SDHAF4: variants seen among roughly 807,000 people sequenced by gnomAD.
SDHAF4 encodes the protein succinate dehydrogenase complex assembly factor 4, also known as succinate dehydrogenase assembly factor 4, mitochondrial.
In SDHAF4, 14 loss-of-function variants were observed where a neutral mutation model predicts 14.3. That is an observed-to-expected ratio of 0.98 (90% CI 0.65 to 1.53). The LOEUF is 1.53. SDHAF4 is among the 40% of genes most tolerant of loss of function. The pLI is 0.00. For synonymous variants in SDHAF4, 63 were observed against 47.3 expected, an observed-to-expected ratio of 1.33 and a Z score of -1.36; for missense variants, 141 against 129.3, an observed-to-expected ratio of 1.09 and a Z score of -0.44.
chr6:70,586,469 T>C (rs1296570025), intron 2 of SDHAF4, among the ~76,000 whole-genome samples: 1 of 142,308 alleles, frequency 7.0e-6, no homozygotes, highest in Non-Finnish European at 1.5e-5. Context: ...TTCAGTACTC[T>C]GTGAGCCCTG....
At chr6:70,570,249 A>G (rs1299178595) in intron 1 of SDHAF4, among the ~76,000 whole-genome samples, 1 of 152,224 alleles carries the variant, frequency 6.6e-6, no homozygotes, top group Non-Finnish European at 1.5e-5. Flanking sequence ...TAAATAATTT[A>G]CTTTGCAGAT....
At chr6:70,595,704 C>T in the SDHAF4 span, among the ~76,000 whole-genome samples, 23 of 151,964 alleles carry the variant, frequency 1.5e-4, no homozygotes, top group East Asian at 3.7e-3. Flanking sequence ...GGCGCGGTGG[C>T]GCACGCCCGT....
chr6:70,592,833 C>G (rs1298511330), downstream of SDHAF4, among the ~76,000 whole-genome samples: 1 of 152,150 alleles, frequency 6.6e-6, no homozygotes, highest in Non-Finnish European at 1.5e-5. Context: ...GGAAACCAAG[C>G]GTATGACCAA....
intron 1 of SDHAF4, among the ~76,000 whole-genome samples, chr6:70,567,894 C>T (rs1017307285): frequency 4.6e-5 from 7 of 152,116 alleles, no homozygotes; most frequent in African/African-American, 1.7e-4. Flanking sequence ...ACCGTGTTAG[C>T]CAGGATGGTC....
the SDHAF4 span, chr6:70,596,605 TA>T: frequency 6.6e-5 from 10 of 152,376 alleles, no homozygotes; most frequent in South Asian, 2.1e-4. Flanking sequence ...CAATGCTTGT[TA>T]TTTTTTTAGT....
At chr6:70,583,114 T>C (rs78020575) in intron 2 of SDHAF4, among the ~76,000 whole-genome samples, 2,763 of 152,032 alleles carry the variant, frequency 0.018, 81 homozygotes, top group African/African-American at 0.061. Flanking sequence ...TAAGGAAAAA[T>C]AATTTTTTGT....
In SDHAF4 at chr6:70,574,713, T is replaced by A. The variant is rs1389834254; in HGVS notation, c.65-4701T>A. Among the ~76,000 whole-genome samples the A allele has an allele frequency of 7.2e-5, 11 of 152,160 alleles. 1 individual carries two copies. The East Asian group carries it at 2.1e-3, about 29-fold the overall frequency. On this transcript the variant is annotated intron_variant, in intron 1 of 2. Transcript: ENST00000370474. The stretch of plus-strand genomic sequence containing the variant: ...CACTTTGGGAGGCAAGAGGATCACT[T>A]GAGTTCAGGAGTTTAAGACCAGCCT...
downstream of SDHAF4, among the ~76,000 whole-genome samples, chr6:70,594,025 G>T (rs1017990083): frequency 6.6e-6 from 1 of 152,098 alleles, no homozygotes; most frequent in African/African-American, 2.4e-5. Context: ...TTCCCTGCTG[G>T]GTTTCTGACT....
In SDHAF4 at chr6:70,572,058, C is replaced by CTTTTTTTTTT. The variant is rs66688860; in HGVS notation, c.64+5073_64+5082dup. 4.4e-3 allele frequency among the ~76,000 whole-genome samples: 235 copies of CTTTTTTTTTT among 53,534 alleles called. 4 individuals carry two copies. Among genetic ancestry groups the CTTTTTTTTTT allele is most frequent in the Non-Finnish European group, 6.0e-3 (188 of 31,126 alleles). 35.1% of individuals were successfully genotyped at this position (53,534 alleles called of 152,430 possible). Reference sequence around the variant, plus strand: ...TACAACACTTTCAGTCTTTTTTTGTCTTTTTTTTTTTTTTTTTTTTTTTTT... The same window carrying CTTTTTTTTTT: ...TACAACACTTTCAGTCTTTTTTTGTCTTTTTTTTTTTTTTTTTTTTTTTTTTTTTTTTTTT... On this transcript the variant is annotated intron_variant, in intron 1 of 2. Coordinates refer to ENST00000370474, the MANE Select transcript of SDHAF4 (RefSeq NM_145267.3).
At chr6:70,581,356 A>G (rs980566833) in intron 2 of SDHAF4, among the ~76,000 whole-genome samples, 1 of 152,176 alleles carries the variant, frequency 6.6e-6, no homozygotes, top group Non-Finnish European at 1.5e-5. Context: ...AAAGCTAATC[A>G]TCTATTTGAC....
chr6:70,589,992 C>G (rs780251298), downstream of SDHAF4, among the ~76,000 whole-genome samples: 1 of 152,192 alleles, frequency 6.6e-6, no homozygotes, highest in Non-Finnish European at 1.5e-5. Context: ...AATCCCAGCA[C>G]TTTGAGAGAC....
At chr6:70,595,132 A>G in the SDHAF4 span, among the ~76,000 whole-genome samples, 1 of 152,152 alleles carries the variant, frequency 6.6e-6, no homozygotes, top group African/African-American at 2.4e-5. Context: ...CAGATCTGGA[A>G]TAATGGAAGG....
At chr6:70,567,055 A>G (rs1324361172) in intron 1 of SDHAF4, 51 bp downstream of exon 1, 1 of 1,508,490 alleles carries the variant, frequency 6.6e-7, no homozygotes, top group Admixed American at 2.0e-5. Context: ...GTGAAGGCCC[A>G]GGCGCAGAGA....
chr6:70,596,029 G>A, the SDHAF4 span, among the ~76,000 whole-genome samples: 1 of 152,122 alleles, frequency 6.6e-6, no homozygotes, highest in Non-Finnish European at 1.5e-5. Context: ...TCTGTTAGTA[G>A]TAACATGTTT....
intron 1 of SDHAF4, among the ~76,000 whole-genome samples, chr6:70,574,928 CA>C (rs1802232701): frequency 6.6e-6 from 1 of 152,016 alleles, no homozygotes; most frequent in African/African-American, 2.4e-5. Context: ...ACCCTTGTTT[CA>C]AAAAACAACA....
intron 1 of SDHAF4, among the ~76,000 whole-genome samples, chr6:70,576,605 ATTTC>A (rs1173833352): frequency 2.6e-5 from 4 of 152,344 alleles, no homozygotes; most frequent in African/African-American, 4.8e-5. Flanking sequence ...GTTTGTGTCT[ATTTC>A]TTTAAACAAG....
At chr6:70,579,374 A>G (rs771265482) in intron 1 of SDHAF4, 40 bp from the exon 2 acceptor site, 4 of 1,370,228 alleles carry the variant, frequency 2.9e-6, no homozygotes, top group Admixed American at 2.8e-5. Flanking sequence ...AGTGGAATAA[A>G]TGAACAGCTC....
At position 70,588,833 on chromosome 6, in the gene SDHAF4, A is replaced by C. The variant is rs2128536522; in HGVS notation, c.*109A>C. 1 of 432,112 alleles carries C rather than the reference A, an allele frequency of 2.3e-6. No homozygotes were observed. The highest frequency in any genetic ancestry group is 3.4e-5 in the East Asian group (1 of 29,720). The allele number at this position is 432,112 out of a possible 1,614,324, so 26.8% of individuals were successfully genotyped here. ...TCCTTTATGTCGTGTAGTTTGTATAATGTGTTTAAATATATATATATATGA... is the reference window on the plus strand; with the variant it reads ...TCCTTTATGTCGTGTAGTTTGTATACTGTGTTTAAATATATATATATATGA... On this transcript the variant is annotated 3_prime_UTR_variant, in exon 3 of 3. Coordinates refer to ENST00000370474, the MANE Select transcript of SDHAF4 (RefSeq NM_145267.3).
downstream of SDHAF4, among the ~76,000 whole-genome samples, chr6:70,593,227 C>T (rs1041784518): frequency 3.3e-5 from 5 of 152,248 alleles, no homozygotes; most frequent in Non-Finnish European, 7.3e-5. Context: ...TGAGCCTTGG[C>T]GACCTGCACA....
Sources: allele counts gnomAD v4.1 joint callset (sites outside exome capture counted in the v4.1 genomes callset), GRCh38; gene constraint gnomAD v4.1.1; transcripts MANE v1.5; gene names NCBI Gene and HGNC (gene_info 2026-07-23, HGNC 2026-07-21).